Variants in SLC35D4 observed in about 807,000 individuals in gnomAD.
SLC35D4 encodes solute carrier family 35 member D4, also known as UDP-N-acetylglucosamine transporter SLC35D4.
At chr18:23,371,591 C>T in the SLC35D4 span, 1 of 666,836 alleles carries the variant, frequency 1.5e-6, no homozygotes, top group Non-Finnish European at 2.4e-6. Flanking sequence ...CAAAACAGGA[C>T]TCCTGGGGCC....
the SLC35D4 span, among the ~76,000 whole-genome samples, chr18:23,293,594 G>A: frequency 6.6e-6 from 1 of 152,170 alleles, no homozygotes; most frequent in African/African-American, 2.4e-5. Flanking sequence ...ACAGCACAGG[G>A]CTAGAGGCAC....
the SLC35D4 span, among the ~76,000 whole-genome samples, chr18:23,426,798 T>C: frequency 6.6e-6 from 1 of 152,192 alleles, no homozygotes; most frequent in Non-Finnish European, 1.5e-5. Context: ...CAAAACAGCA[T>C]GGTACTTGTA....
At chr18:23,411,908 A>C in the SLC35D4 span, among the ~76,000 whole-genome samples, 1 of 152,256 alleles carries the variant, frequency 6.6e-6, no homozygotes. Context: ...ACTCCCTGAA[A>C]ACAATTTGCA....
At chr18:23,270,556 C>G in the SLC35D4 span, among the ~76,000 whole-genome samples, 2 of 152,280 alleles carry the variant, frequency 1.3e-5, no homozygotes, top group East Asian at 3.9e-4. Flanking sequence ...GTACTGTGCA[C>G]CTGGAAAAAC....
At chr18:23,287,827 A>G in the SLC35D4 span, among the ~76,000 whole-genome samples, 300 of 152,316 alleles carry the variant, frequency 2.0e-3, 1 homozygote, top group African/African-American at 7.0e-3. Flanking sequence ...TTCTTACACA[A>G]GGACCGGGGT....
the SLC35D4 span, among the ~76,000 whole-genome samples, chr18:23,264,206 G>T: frequency 6.6e-6 from 1 of 152,194 alleles, no homozygotes. Flanking sequence ...AGGCTTAATT[G>T]CCTGCTGGTT....
chr18:23,256,406 T>C, the SLC35D4 span, among the ~76,000 whole-genome samples: 37 of 152,254 alleles, frequency 2.4e-4, no homozygotes, highest in African/African-American at 8.7e-4. Flanking sequence ...ATGAAAGGAC[T>C]GAACTACATA....
At chr18:23,275,592 G>GAGTGC in the SLC35D4 span, among the ~76,000 whole-genome samples, 1 of 142,820 alleles carries the variant, frequency 7.0e-6, no homozygotes, top group Non-Finnish European at 1.5e-5. Context: ...GGGTCAGAAA[G>GAGTGC]AGTGCTGTGC....
At chr18:23,298,190 G>A in the SLC35D4 span, 10 of 1,071,528 alleles carry the variant, frequency 9.3e-6, no homozygotes, top group South Asian at 2.7e-5. Flanking sequence ...TCACCAGCCC[G>A]AACTGCCATG....
At chr18:23,331,944 G>A in the SLC35D4 span, among the ~76,000 whole-genome samples, 24 of 141,502 alleles carry the variant, frequency 1.7e-4, no homozygotes, top group South Asian at 4.5e-3. Flanking sequence ...AGAGTGTGGT[G>A]GAGTGATCAT....
At chr18:23,243,647 T>TG in the SLC35D4 span, among the ~76,000 whole-genome samples, 3 of 151,240 alleles carry the variant, frequency 2.0e-5, no homozygotes, top group African/African-American at 7.3e-5. Flanking sequence ...CCAAGGCGGG[T>TG]GGATCACCTG....
At chr18:23,427,459 C>T in the SLC35D4 span, among the ~76,000 whole-genome samples, 1 of 151,980 alleles carries the variant, frequency 6.6e-6, no homozygotes, top group Admixed American at 6.6e-5. Flanking sequence ...CAAATCAAAA[C>T]CACAATGAGA....
At chr18:23,416,457 G>T in the SLC35D4 span, among the ~76,000 whole-genome samples, 2 of 152,184 alleles carry the variant, frequency 1.3e-5, no homozygotes, top group Non-Finnish European at 2.9e-5. Context: ...GTAAAGCTGG[G>T]CTTCACTTCC....
the SLC35D4 span, among the ~76,000 whole-genome samples, chr18:23,243,468 GTTTTTTTTTT>G: frequency 9.8e-6 from 1 of 101,878 alleles, no homozygotes; most frequent in Non-Finnish European, 2.0e-5. Context: ...TGGGTTTGGT[GTTTTTTTTTT>G]TTTTTTTTTT....
At chr18:23,373,601 T>C in the SLC35D4 span, 6 of 1,249,714 alleles carry the variant, frequency 4.8e-6, no homozygotes, top group Non-Finnish European at 6.9e-6. Flanking sequence ...TGCTTCTGCA[T>C]AGGCCAAGTT....
the SLC35D4 span, among the ~76,000 whole-genome samples, chr18:23,287,791 C>T: frequency 1.3e-5 from 2 of 152,124 alleles, no homozygotes; most frequent in Non-Finnish European, 2.9e-5. Context: ...TACACACAGC[C>T]GAAGTGCAGA....
At chr18:23,378,687 G>T in the SLC35D4 span, among the ~76,000 whole-genome samples, 2 of 152,182 alleles carry the variant, frequency 1.3e-5, no homozygotes, top group Non-Finnish European at 2.9e-5. Context: ...TTCTATATTT[G>T]ATAGAGGAAA....
At chr18:23,431,735 T>C in the SLC35D4 span, among the ~76,000 whole-genome samples, 1 of 152,224 alleles carries the variant, frequency 6.6e-6, no homozygotes, top group African/African-American at 2.4e-5. Flanking sequence ...CTTATGTATA[T>C]TTATGTATAT....
the SLC35D4 span, among the ~76,000 whole-genome samples, chr18:23,413,951 A>AG: frequency 2.7e-5 from 1 of 36,834 alleles, no homozygotes; most frequent in Non-Finnish European, 5.9e-5. Flanking sequence ...CTCAAAAAAA[A>AG]AAATTAAAAA....
Sources: gnomAD v4.1 joint callset for allele counts (sites outside exome capture counted in the v4.1 genomes callset) on GRCh38, gnomAD v4.1.1 for gene constraint, MANE v1.5 for transcripts, NCBI Gene and HGNC (gene_info 2026-07-23, HGNC 2026-07-21) for gene names.